PI4K2B: variants seen among roughly 807,000 people sequenced by gnomAD.
The protein encoded by PI4K2B is phosphatidylinositol 4-kinase type 2-beta.
A neutral mutation model predicts 56.6 loss-of-function variants in PI4K2B; 46 were observed. The ratio of observed to expected loss-of-function variants is 0.81; its 90% confidence interval spans 0.64 to 1.04. PI4K2B has a LOEUF of 1.04. PI4K2B is among the 50% of genes least tolerant of loss of function. The pLI is 0.00. For synonymous variants in PI4K2B, 211 were observed against 223.8 expected (o/e 0.94, Z 0.51); for missense variants, 556 against 607.7 (o/e 0.91, Z 0.89).
intron 1 of PI4K2B, among the ~76,000 whole-genome samples, chr4:25,248,403 CTCTTG>C (rs1205961819): frequency 6.6e-6 from 1 of 152,062 alleles, no homozygotes. Context: ...TTTGGAGTTT[CTCTTG>C]TCTTGGAGTT....
At chr4:25,256,444 CTT>C in intron 3 of PI4K2B, 97 bp from the exon 4 acceptor site, 1 of 1,157,018 alleles carries the variant, frequency 8.6e-7, no homozygotes, top group Non-Finnish European at 1.2e-6. Flanking sequence ...CAGGATTAAA[CTT>C]TGCTAATTTT....
chr4:25,271,922 T>G (rs879801553), intron 9 of PI4K2B, among the ~76,000 whole-genome samples: 1 of 152,142 alleles, frequency 6.6e-6, no homozygotes, highest in Non-Finnish European at 1.5e-5. Flanking sequence ...GAGGGCAGAT[T>G]GCTTGAGCTC....
chr4:25,254,417 CTT>C (rs34849255), intron 2 of PI4K2B: 5,212 of 603,502 alleles, frequency 8.6e-3, no homozygotes, highest in Non-Finnish European at 9.9e-3. Context: ...AAAGTCTTTC[CTT>C]TTTTTTTTTT....
intron 4 of PI4K2B, among the ~76,000 whole-genome samples, chr4:25,257,765 G>C (rs2109016379): frequency 6.6e-6 from 1 of 152,314 alleles, no homozygotes; most frequent in Non-Finnish European, 1.5e-5. Context: ...CAGGAAGTTT[G>C]AAAGTTTTTA....
chr4:25,268,569 T>C lies in PI4K2B; in HGVS notation c.1205T>C (p.Leu402Pro). 6.4e-7 allele frequency: 1 copy of C among 1,563,844 alleles called. No individual in the cohort carries two copies. The highest frequency in any genetic ancestry group is 1.2e-5 in the South Asian group (1 of 83,968). ...GATTTATGTGAAGATCTCTATGAACTTTTTAAGGTAAGTTAATGCTTAGTT... is the reference window on the plus strand; with the variant it reads ...GATTTATGTGAAGATCTCTATGAACCTTTTAAGGTAAGTTAATGCTTAGTT... ...VQDLCEDLYE[L>P]FKTDKGFDKA... Residue 402 changes from leucine (L) to proline (P), a missense_variant, in exon 8 of 10, where the codon CTT becomes CCT. Transcript: ENST00000264864.
At chr4:25,265,197 C>CAAAAAAAAA (rs1716621120) in intron 7 of PI4K2B, among the ~76,000 whole-genome samples, 2 of 5,842 alleles carry the variant, frequency 3.4e-4, no homozygotes, top group East Asian at 3.8e-3. Context: ...CTCTGTCTCA[C>CAAAAAAAAA]CAAAAAAAAA....
At chr4:25,244,979 A>G (rs536918629) in intron 1 of PI4K2B, among the ~76,000 whole-genome samples, 2 of 152,326 alleles carry the variant, frequency 1.3e-5, no homozygotes, top group South Asian at 4.1e-4. Context: ...AATGAAGTGG[A>G]GAGCCATACC....
intron 9 of PI4K2B, among the ~76,000 whole-genome samples, chr4:25,270,509 C>A (rs1455841089): frequency 6.6e-6 from 1 of 152,082 alleles, no homozygotes; most frequent in Non-Finnish European, 1.5e-5. Context: ...CCACACCCAG[C>A]TAATTTTTTT....
At chr4:25,273,173 G>A (rs886718071) in intron 9 of PI4K2B, among the ~76,000 whole-genome samples, 4 of 150,988 alleles carry the variant, frequency 2.6e-5, no homozygotes, top group Non-Finnish European at 4.4e-5. Context: ...GTTTATGAAC[G>A]TTAAAGATAA....
At chr4:25,263,669 CAAT>C (rs1469278053) in intron 6 of PI4K2B, 78 bp from the exon 7 acceptor site, 4 of 558,228 alleles carry the variant, frequency 7.2e-6, no homozygotes, top group Non-Finnish European at 1.3e-5. Context: ...TCTTAAACCT[CAAT>C]AATTATTATA....
chr4:25,254,477 G>A (rs970064233), intron 2 of PI4K2B: 38 of 183,178 alleles, frequency 2.1e-4, no homozygotes, highest in African/African-American at 8.6e-4. Flanking sequence ...GCAGTGGTGC[G>A]ATCTCCGCTC....
At chr4:25,264,730 G>T (rs1351272328) in intron 7 of PI4K2B, among the ~76,000 whole-genome samples, 1 of 151,710 alleles carries the variant, frequency 6.6e-6, no homozygotes, top group Non-Finnish European at 1.5e-5. Flanking sequence ...AATGAGCCAG[G>T]TGTGGTGGCC....
At chr4:25,258,958 A>G in intron 4 of PI4K2B, 79 bp from the exon 5 acceptor site, 2 of 646,652 alleles carry the variant, frequency 3.1e-6, no homozygotes, top group Non-Finnish European at 5.2e-6. Flanking sequence ...ATATTTTTTG[A>G]CAGTACTGCT....
rs1717154861 is a variant in PI4K2B at position 25,277,681 on chromosome 4, G to A, written c.*494G>A. 1 of 152,428 alleles carries A rather than the reference G, an allele frequency of 6.6e-6. No individual in the cohort carries two copies. The highest frequency in any genetic ancestry group is 6.5e-5 in the Admixed American group (1 of 15,328). The allele number at this position is 152,428 out of a possible 1,614,324, so 9.4% of individuals were successfully genotyped here. A position where few individuals can be genotyped will look rare whatever the true frequency, so the allele number is the denominator to read the frequency against. ...TTCAAAAGCTGCTATTTTAGAATTT[G>A]AATAAGTACTCCTAAAGTGACCATT... On this transcript the variant is annotated 3_prime_UTR_variant, in exon 10 of 10. Coordinates refer to ENST00000264864, the MANE Select transcript of PI4K2B (RefSeq NM_018323.4).
intron 9 of PI4K2B, among the ~76,000 whole-genome samples, chr4:25,274,769 A>G (rs1330418057): frequency 6.6e-6 from 1 of 152,160 alleles, no homozygotes; most frequent in Non-Finnish European, 1.5e-5. Context: ...TTTGAAAATT[A>G]ATAATTTGTA....
At chr4:25,256,797 C>T in intron 4 of PI4K2B, 123 bp downstream of exon 4, 1 of 891,470 alleles carries the variant, frequency 1.1e-6, no homozygotes, top group Admixed American at 2.5e-5. Flanking sequence ...CTTCCAGGAG[C>T]TTATAGTAAA....
chr4:25,275,746 A>G (rs1027453724), intron 9 of PI4K2B, among the ~76,000 whole-genome samples: 11 of 152,148 alleles, frequency 7.2e-5, no homozygotes, highest in Admixed American at 7.2e-4. Flanking sequence ...AACCTATAAC[A>G]CTGTTACTAG....
At chr4:25,269,711 T>G (rs1445969782) in intron 9 of PI4K2B, among the ~76,000 whole-genome samples, 1 of 151,964 alleles carries the variant, frequency 6.6e-6, no homozygotes, top group Non-Finnish European at 1.5e-5. Context: ...TAGGTGGGTT[T>G]TTTTTGTTTT....
intron 7 of PI4K2B, chr4:25,267,919 A>C (rs1716725244): frequency 3.1e-6 from 3 of 960,986 alleles, no homozygotes; most frequent in Admixed American, 1.2e-4. Context: ...GGCAGACCTC[A>C]GCTGTGGTAT....
Sources: gnomAD v4.1 joint callset for allele counts (sites outside exome capture counted in the v4.1 genomes callset) on GRCh38, gnomAD v4.1.1 for gene constraint, MANE v1.5 for transcripts, NCBI Gene and HGNC (gene_info 2026-07-23, HGNC 2026-07-21) for gene names.